Variants in CCDC88A observed in about 807,000 individuals in gnomAD.
The protein encoded by CCDC88A is girdin.
CCDC88A carries 54 observed loss-of-function variants against 234.3 expected under a neutral mutation model. The ratio of observed to expected loss-of-function variants is 0.23; its 90% CI spans 0.19 to 0.29. The LOEUF is 0.29. Among genes scored for constraint, CCDC88A ranks in the 10% least tolerant of loss-of-function variants. The pLI, the probability that CCDC88A is intolerant of heterozygous loss-of-function variation, is 1.00. For missense variants in CCDC88A, 1,832 were observed against 2,123.4 expected, an observed-to-expected ratio of 0.86 and a Z score of 2.70; for synonymous variants, 753 against 737.8, an observed-to-expected ratio of 1.02 and a Z score of -0.33.
chr2:55,400,794 T>G (rs1225430651), intron 2 of CCDC88A, among the ~76,000 whole-genome samples: 1 of 152,222 alleles, frequency 6.6e-6, no homozygotes, highest in Non-Finnish European at 1.5e-5. Flanking sequence ...CTGTTCTGTG[T>G]TGGTGCTTAA....
At chr2:55,396,776 A>G (rs893159204) in intron 2 of CCDC88A, among the ~76,000 whole-genome samples, 13 of 148,292 alleles carry the variant, frequency 8.8e-5, no homozygotes, top group African/African-American at 3.2e-4. Context: ...AGGCTGAGGC[A>G]GGAGAATGGC....
In CCDC88A at chr2:55,299,844, ACTT is replaced by A. The variant is rs772961744; in HGVS notation, c.4817_4819del (p.Glu1606del). 6.2e-7 allele frequency: 1 copy of A among 1,606,710 alleles called. No individual in the cohort carries two copies. Among genetic ancestry groups the A allele is most frequent in the Admixed American group, 1.7e-5 (1 of 59,980 alleles). On this transcript the variant is annotated inframe_deletion, in exon 29 of 33. Transcript: ENST00000436346. The stretch of plus-strand genomic sequence containing the variant: ...TAAATTTACCTACAGCATACCTTTG[ACTT>A]CATGTAGTGAAGCATTATTATTGCT...
At chr2:55,395,423 T>C (rs910114071) in intron 2 of CCDC88A, among the ~76,000 whole-genome samples, 1 of 152,238 alleles carries the variant, frequency 6.6e-6, no homozygotes, top group African/African-American at 2.4e-5. Context: ...TTCCCTTTTA[T>C]TGGTATATAA....
chr2:55,324,018 C>T (rs1424400733), intron 17 of CCDC88A: 1 of 152,134 alleles, frequency 6.6e-6, no homozygotes, highest in East Asian at 1.9e-4. Flanking sequence ...CAGCCGAAGG[C>T]TTCTCATTTT....
chr2:55,311,569 C>G (rs1384251696), intron 23 of CCDC88A, among the ~76,000 whole-genome samples: 2 of 152,180 alleles, frequency 1.3e-5, no homozygotes, highest in African/African-American at 4.8e-5. Context: ...AAAGAAATGA[C>G]TAGTCTGTGG....
At position 55,308,972 on chromosome 2, in the gene CCDC88A, T is replaced by C. The variant is rs747100213; in HGVS notation, c.4224A>G (p.Lys1408=). 1.6e-5 allele frequency: 26 copies of C among 1,613,956 alleles called. No homozygotes were observed. The highest frequency in any genetic ancestry group is 2.7e-5 in the African/African-American group (2 of 74,924). ...LKMRKLIKSK[K]DINRERQKSL... ...ATTTCTGGCGTTCCCGATTAATATC[T>C]TTCTTAGACTTTATCAATTTTCTCA... The change falls in exon 25 of 33, where the codon AAA becomes AAG. Residue 1408 remains lysine, a synonymous_variant. Transcript: ENST00000436346.
intron 5 of CCDC88A, among the ~76,000 whole-genome samples, chr2:55,371,658 T>C (rs1672866037): frequency 6.6e-6 from 1 of 152,170 alleles, no homozygotes; most frequent in Non-Finnish European, 1.5e-5. Flanking sequence ...AATTATTATA[T>C]GTATTTAAAA....
intron 2 of CCDC88A, chr2:55,417,298 C>T (rs1005335814): frequency 1.3e-5 from 2 of 151,866 alleles, no homozygotes; most frequent in African/African-American, 4.8e-5. Flanking sequence ...ATTTTTAGCA[C>T]ACAAATTCAA....
chr2:55,309,049 C>A lies in CCDC88A; in HGVS notation c.4173-26G>T. The A allele has an allele frequency of 6.4e-7, 1 of 1,562,124 alleles. No individual in the cohort carries two copies. Among genetic ancestry groups the A allele is most frequent in the Non-Finnish European group, 8.8e-7 (1 of 1,134,252 alleles). On this transcript the variant is annotated intron_variant, in intron 24 of 32. Coordinates refer to ENST00000436346, the MANE Select transcript of CCDC88A (RefSeq NM_001365480.1). This position sits in a 1 kb window ranked among gnomAD's most constrained non-coding sequence, Gnocchi z 5.1. ...CTAACAGAATTTTAAAAATTGTTATCAGTTTAAAATTCAACATACAAATCC... is the reference window on the plus strand; with the variant it reads ...CTAACAGAATTTTAAAAATTGTTATAAGTTTAAAATTCAACATACAAATCC...
chr2:55,344,612 G>A (rs1483286451), intron 10 of CCDC88A, 98 bp from the exon 11 acceptor site: 1 of 632,904 alleles, frequency 1.6e-6, no homozygotes, highest in African/African-American at 1.9e-5. Context: ...TTTATCAACA[G>A]TTCTATGCAT....
intron 2 of CCDC88A, among the ~76,000 whole-genome samples, chr2:55,395,689 C>T (rs1902057): frequency 0.86 from 130,820 of 152,230 alleles, 56,657 homozygotes; most frequent in Admixed American, 0.93. Flanking sequence ...CAGCTGGCAG[C>T]CTGGAATAGG....
chr2:55,318,955 T>C lies in CCDC88A; in HGVS notation c.3212A>G (p.Gln1071Arg). 1 of 1,613,592 alleles carries C rather than the reference T, an allele frequency of 6.2e-7. No individual in the cohort carries two copies. Among genetic ancestry groups the C allele is most frequent in the Non-Finnish European group, 8.5e-7 (1 of 1,179,662 alleles). Residue 1071 changes from glutamine to arginine, a missense_variant, in exon 19 of 33, where the codon CAA (glutamine) becomes CGA (arginine). Physicochemically the swap from Gln to Arg is conservative, Grantham distance 43. Coordinates refer to ENST00000436346, the MANE Select transcript of CCDC88A (RefSeq NM_001365480.1). Reference protein sequence around the residue: ...EKQALKTQLKQLETQNNNLQA... With the variant: ...EKQALKTQLKRLETQNNNLQA... Reference sequence around the variant, plus strand: ...CAAATTATTGTTCTGTGTCTCAAGTTGCTTCAGTTGAGTTTTCAACGCTTG... The same window carrying C: ...CAAATTATTGTTCTGTGTCTCAAGTCGCTTCAGTTGAGTTTTCAACGCTTG...
intron 7 of CCDC88A, among the ~76,000 whole-genome samples, chr2:55,360,525 T>C (rs1671151635): frequency 6.6e-6 from 1 of 152,238 alleles, no homozygotes; most frequent in South Asian, 2.1e-4. Flanking sequence ...CCCAAGTATC[T>C]GAGACAGAAG....
At position 55,390,028 on chromosome 2, in the gene CCDC88A, G is replaced by A. The variant is rs1203792899; in HGVS notation, c.165-1142C>T. On this transcript the variant is annotated intron_variant, in intron 2 of 32. Coordinates refer to ENST00000436346, the MANE Select transcript of CCDC88A (RefSeq NM_001365480.1). The stretch of plus-strand genomic sequence containing the variant: ...TGCACTCCAGCCTGGGCTACAGAGC[G>A]AGACTCAAAAAAAAAAAAAAATAAA... Among the ~76,000 whole-genome samples the A allele has an allele frequency of 5.6e-4, 6 of 10,742 alleles. No homozygotes were observed. In the Admixed American group the frequency reaches 8.2e-3, roughly 15 times the overall value. 7.0% of individuals were successfully genotyped at this position (10,742 alleles called of 152,430 possible).
chr2:55,306,854 G>C (rs1035215718), intron 25 of CCDC88A, among the ~76,000 whole-genome samples: 7 of 152,172 alleles, frequency 4.6e-5, no homozygotes, highest in African/African-American at 1.7e-4. Flanking sequence ...GGGATTACAG[G>C]CATGAGCCAC....
At chr2:55,406,620 G>T (rs889896295) in intron 2 of CCDC88A, among the ~76,000 whole-genome samples, 3 of 152,096 alleles carry the variant, frequency 2.0e-5, no homozygotes, top group Non-Finnish European at 4.4e-5. Flanking sequence ...TTAGCCGGGT[G>T]TGGTGGTACA....
At position 55,389,779 on chromosome 2, in the gene CCDC88A, G is replaced by A. The variant is rs371061340; in HGVS notation, c.165-893C>T. ...ACTGAGGTAGGGCACGGTGACTCAC[G>A]CCTATAATCCCAGCAGTTTGGGAGG... On this transcript the variant is annotated intron_variant, in intron 2 of 32. Coordinates refer to ENST00000436346, the MANE Select transcript of CCDC88A (RefSeq NM_001365480.1). Among the ~76,000 whole-genome samples, 82 of 151,908 alleles carry A rather than the reference G, an allele frequency of 5.4e-4. 1 individual carries two copies. The highest frequency in any genetic ancestry group is 1.5e-4 in the Non-Finnish European group (10 of 67,974).
In CCDC88A at chr2:55,380,389, A is replaced by G. The variant is rs200158414; in HGVS notation, c.274-5506T>C. On this transcript the variant is annotated intron_variant, in intron 3 of 32. Coordinates refer to ENST00000436346, the MANE Select transcript of CCDC88A (RefSeq NM_001365480.1). Reference sequence around the variant, plus strand: ...AGGGCCATTAAAGCAAAGTTTCACTAAATAAGTGGAAATTCTATTCTGGCG... The same window carrying G: ...AGGGCCATTAAAGCAAAGTTTCACTGAATAAGTGGAAATTCTATTCTGGCG... Among the ~76,000 whole-genome samples, 19 of 152,310 alleles carry G rather than the reference A, an allele frequency of 1.2e-4. No homozygotes were observed. The East Asian group carries it at 3.5e-3, about 28-fold the overall frequency.
rs369517756 is a variant in CCDC88A, at chr2:55,355,638, T to C, written c.741A>G (p.Gln247=). ...SPGMKRTESR[Q]HLSVELADAK... is the part of the protein sequence containing the mutation. Reference sequence around the variant, plus strand: ...CATCTGCCAGTTCCACCGACAGATGTTGTCGACTTTCTGTTCGCTTCATGC... The same window carrying C: ...CATCTGCCAGTTCCACCGACAGATGCTGTCGACTTTCTGTTCGCTTCATGC... Residue 247 remains glutamine (Q), a synonymous_variant, in exon 8 of 33, where the codon CAA becomes CAG. Transcript: ENST00000436346. 21 of 1,613,956 alleles carry C rather than the reference T, an allele frequency of 1.3e-5. No individual in the cohort carries two copies. Among genetic ancestry groups the C allele is most frequent in the South Asian group, 5.5e-5 (5 of 91,088 alleles).
Sources: gnomAD v4.1 joint callset for allele counts (sites outside exome capture counted in the v4.1 genomes callset) on GRCh38, gnomAD v4.1.1 for gene constraint, Gnocchi (gnomAD v3.1) non-coding constraint, MANE v1.5 for transcripts, NCBI Gene and HGNC (gene_info 2026-07-23, HGNC 2026-07-21) for gene names.